FRMD4A: variants seen among roughly 807,000 people sequenced by gnomAD.
FRMD4A encodes FERM domain containing 4A.
FRMD4A carries 29 observed loss-of-function variants against 129.1 expected under a neutral mutation model. That is an observed-to-expected ratio of 0.22 (90% CI 0.17 to 0.31). FRMD4A has a LOEUF of 0.31. Ranked by LOEUF, FRMD4A falls within the 10% of genes least tolerant of loss-of-function variation. The pLI, the probability that FRMD4A is intolerant of heterozygous loss-of-function variation, is 1.00. For synonymous variants in FRMD4A, 634 were observed against 571.6 expected (o/e 1.11, Z -1.56); for missense variants, 1,272 against 1,375.8 (o/e 0.92, Z 1.19).
intron 2 of FRMD4A, among the ~76,000 whole-genome samples, chr10:14,309,649 C>T (rs1198638168): frequency 6.6e-6 from 1 of 152,088 alleles, no homozygotes; most frequent in Admixed American, 6.5e-5. Context: ...GAGCAGCATT[C>T]GAACCCCAGC....
chr10:14,294,117 C>T (rs987351637), intron 2 of FRMD4A, among the ~76,000 whole-genome samples: 7 of 152,150 alleles, frequency 4.6e-5, no homozygotes, highest in African/African-American at 7.2e-5. Flanking sequence ...CAAGCAGGGG[C>T]ACCCAGGGGA....
chr10:13,850,588 C>T (rs1483946954), intron 3 of FRMD4A, among the ~76,000 whole-genome samples: 1 of 152,212 alleles, frequency 6.6e-6, no homozygotes, highest in Admixed American at 6.5e-5. Flanking sequence ...TGGGTAAGCC[C>T]ATCTTCCATT....
chr10:13,822,138 A>G (rs1332047329), intron 3 of FRMD4A, among the ~76,000 whole-genome samples: 1 of 152,204 alleles, frequency 6.6e-6, no homozygotes, highest in Non-Finnish European at 1.5e-5. Flanking sequence ...TGATGTTTTC[A>G]TGTATATGCA....
chr10:13,914,302 C>T (rs2094976023), intron 2 of FRMD4A, among the ~76,000 whole-genome samples: 1 of 152,318 alleles, frequency 6.6e-6, no homozygotes, highest in South Asian at 2.1e-4. Context: ...TAACCATATA[C>T]AAGGAATGTC....
At chr10:13,834,590 T>C (rs571305115) in intron 3 of FRMD4A, among the ~76,000 whole-genome samples, 1 of 152,286 alleles carries the variant, frequency 6.6e-6, no homozygotes, top group South Asian at 2.1e-4. Context: ...AAAGAAAACT[T>C]TTGAAGAACT....
intron 2 of FRMD4A, among the ~76,000 whole-genome samples, chr10:14,169,991 A>T (rs751224872): frequency 4.6e-5 from 7 of 152,280 alleles, no homozygotes; most frequent in Non-Finnish European, 1.0e-4. Context: ...TGTACAAGCA[A>T]GGTGGAACAC....
At chr10:14,019,939 T>C (rs983465286) in intron 2 of FRMD4A, among the ~76,000 whole-genome samples, 2 of 152,246 alleles carry the variant, frequency 1.3e-5, no homozygotes, top group African/African-American at 2.4e-5. Context: ...TCCTCATCTA[T>C]GGACCTGCTG....
chr10:13,931,979 A>AACCAACAAACCAACCAACCAACC (rs377655638), intron 2 of FRMD4A, among the ~76,000 whole-genome samples: 4 of 131,804 alleles, frequency 3.0e-5, no homozygotes, highest in Admixed American at 1.5e-4. Context: ...ACCAACCAAC[A>AACCAACAAACCAACCAACCAACC]AACCAACCAA....
intron 6 of FRMD4A, among the ~76,000 whole-genome samples, chr10:13,769,608 CCCCG>C (rs2092394945): frequency 6.6e-6 from 1 of 152,112 alleles, no homozygotes; most frequent in Non-Finnish European, 1.5e-5. Flanking sequence ...CTGTGTCCGG[CCCCG>C]AGTTGCCCAG....
chr10:13,727,858 C>T (rs569385288), intron 12 of FRMD4A: 3 of 152,448 alleles, frequency 2.0e-5, no homozygotes, highest in South Asian at 2.1e-4. Context: ...TAAGCAGGGT[C>T]GTGCCCGGTT....
intron 5 of FRMD4A, among the ~76,000 whole-genome samples, chr10:13,794,056 G>C (rs2093060875): frequency 6.6e-6 from 1 of 152,112 alleles, no homozygotes; most frequent in African/African-American, 2.4e-5. Flanking sequence ...TGACTGGTGA[G>C]GGCCTGAGTT....
chr10:13,809,165 T>G (rs757099604), intron 4 of FRMD4A, among the ~76,000 whole-genome samples: 5 of 152,190 alleles, frequency 3.3e-5, no homozygotes, highest in Non-Finnish European at 7.3e-5. Flanking sequence ...ACTTTCTACC[T>G]AGGTCCGATT....
intron 2 of FRMD4A, among the ~76,000 whole-genome samples, chr10:14,132,305 C>T (rs1362833732): frequency 6.6e-6 from 1 of 151,844 alleles, no homozygotes; most frequent in African/African-American, 2.4e-5. Flanking sequence ...AAAAACAAAC[C>T]GAAAACCAAA....
intron 2 of FRMD4A, among the ~76,000 whole-genome samples, chr10:13,949,148 G>A (rs2095354309): frequency 1.3e-5 from 2 of 152,008 alleles, no homozygotes; most frequent in Admixed American, 6.5e-5. Flanking sequence ...GGTCTTCAGT[G>A]ACTGTGTAAC....
intron 3 of FRMD4A, among the ~76,000 whole-genome samples, chr10:13,848,768 C>T (rs912180879): frequency 2.0e-5 from 3 of 152,104 alleles, no homozygotes; most frequent in African/African-American, 4.8e-5. Flanking sequence ...GAAAGCTTAC[C>T]GACTTTTCTA....
intron 3 of FRMD4A, among the ~76,000 whole-genome samples, chr10:13,836,788 C>T (rs548532021): frequency 1.9e-3 from 249 of 132,842 alleles, no homozygotes; most frequent in Non-Finnish European, 3.1e-3. Flanking sequence ...GACGGAGTCT[C>T]GCTCTGTCGC....
intron 2 of FRMD4A, among the ~76,000 whole-genome samples, chr10:13,912,106 A>AT (rs2131229081): frequency 6.6e-6 from 1 of 152,176 alleles, no homozygotes; most frequent in African/African-American, 2.4e-5. Flanking sequence ...TTTTTCCTTT[A>AT]TTTTTCCTAA....
In FRMD4A at chr10:13,659,311, A is replaced by G. The variant is rs763056639; in HGVS notation, c.2066+12T>C. 268 of 1,612,324 alleles carry G rather than the reference A, an allele frequency of 1.7e-4. 1 individual carries two copies. The highest frequency in any genetic ancestry group is 4.9e-4 in the Middle Eastern group (3 of 6,080). ...AAGGCTTGGTCTGAGCAGGAAGGCC[A>G]GGCAGACTCACCTCGTGGAATGGAC... On this transcript the variant is annotated intron_variant, in intron 21 of 24. Coordinates refer to ENST00000357447, the MANE Select transcript of FRMD4A (RefSeq NM_018027.5).
chr10:13,849,114 G>T (rs887285878), intron 3 of FRMD4A, among the ~76,000 whole-genome samples: 4 of 152,194 alleles, frequency 2.6e-5, no homozygotes, highest in African/African-American at 9.7e-5. Flanking sequence ...ATCGCAGTGA[G>T]GTGTGAGGTC....
Sources: allele counts gnomAD v4.1 joint callset (sites outside exome capture counted in the v4.1 genomes callset), GRCh38; gene constraint gnomAD v4.1.1; transcripts MANE v1.5; gene names NCBI Gene and HGNC (gene_info 2026-07-23, HGNC 2026-07-21).